MEF2B: variants seen among roughly 807,000 people sequenced by gnomAD.
MEF2B encodes the protein myocyte enhancer factor 2B, also known as myocyte-specific enhancer factor 2B.
In MEF2B, 15 loss-of-function variants were observed where a neutral mutation model predicts 32.2. That is an observed-to-expected ratio of 0.47 (90% CI 0.31 to 0.72). MEF2B has a LOEUF of 0.72. MEF2B is among the 30% of genes least tolerant of loss of function. The pLI is 0.05. For missense variants in MEF2B, 441 were observed against 511.5 expected (o/e 0.86, Z 1.33); for synonymous variants, 205 against 225.6 (o/e 0.91, Z 0.82).
chr19:19,160,008 G>A (rs934845636), intron 1 of MEF2B, among the ~76,000 whole-genome samples: 1 of 140,106 alleles, frequency 7.1e-6, no homozygotes, highest in Non-Finnish European at 1.5e-5. Flanking sequence ...TCGCTCTGTT[G>A]CCCAGGCTGG....
rs2060021500 is a variant in MEF2B at position 19,145,952 on chromosome 19, T to C, written c.952A>G (p.Ile318Val). The change falls in exon 9 of 9, where the codon ATC becomes GTC. Residue 318 changes from isoleucine (I) to valine (V), a missense_variant. Physicochemically the swap from Ile to Val is conservative, Grantham distance 29 (BLOSUM62 3). Coordinates refer to ENST00000424583, the MANE Select transcript of MEF2B (RefSeq NM_001145785.2). The surrounding 1 kb of genome is among the most constrained non-coding windows in gnomAD (Gnocchi z 4.6). ...GCCGGAGAGAGGCGCTCAGACTTGA[T>C]GCTGACTGGGGGGGTCGGCGGGGAG... ...GASPPTPPVS[I>V]KSERLSPAPG... 1 of 1,440,126 alleles carries C rather than the reference T, an allele frequency of 6.9e-7. No homozygotes were observed. The highest frequency in any genetic ancestry group is 9.1e-7 in the Non-Finnish European group (1 of 1,098,624). The allele number at this position is 1,440,126 out of a possible 1,614,324, so 89.2% of individuals were successfully genotyped here. A position where few individuals can be genotyped will look rare whatever the true frequency, so the allele number is the denominator to read the frequency against.
chr19:19,162,360 C>T (rs1367143810), intron 1 of MEF2B, among the ~76,000 whole-genome samples: 7 of 151,814 alleles, frequency 4.6e-5, no homozygotes, highest in East Asian at 3.9e-4. Flanking sequence ...CTTGAACTTC[C>T]GGCCTCAAGT....
intron 1 of MEF2B, among the ~76,000 whole-genome samples, chr19:19,164,182 G>A (rs2060188800): frequency 6.6e-6 from 1 of 152,006 alleles, no homozygotes; most frequent in African/African-American, 2.4e-5. Flanking sequence ...GGTCAGAATG[G>A]TCTCGAACTC....
chr19:19,160,292 C>A (rs554427482), intron 1 of MEF2B, among the ~76,000 whole-genome samples: 1 of 151,966 alleles, frequency 6.6e-6, no homozygotes, highest in Non-Finnish European at 1.5e-5. Flanking sequence ...TTTCTTCTGG[C>A]TTCTGGGAAA....
At position 19,145,744 on chromosome 19, in the gene MEF2B, G is replaced by A. The variant is rs1333589482; in HGVS notation, c.*53C>T. 1 of 1,558,436 alleles carries A rather than the reference G, an allele frequency of 6.4e-7. No individual in the cohort carries two copies. The highest frequency in any genetic ancestry group is 8.7e-7 in the Non-Finnish European group (1 of 1,151,516). On this transcript the variant is annotated 3_prime_UTR_variant, in exon 9 of 9. Transcript: ENST00000424583. The surrounding 1 kb of genome is among the most constrained non-coding windows in gnomAD (Gnocchi z 4.6). The stretch of plus-strand genomic sequence containing the variant: ...GCCTGGAGGGAGGTGGGGTCCCCAC[G>A]TGCCCTCGCCGTACCTGGCGAGCGC...
At chr19:19,147,211 G>GCAACTGTTTGCCTGTT in intron 4 of MEF2B, 28 bp from the exon 5 acceptor site, 2 of 1,364,652 alleles carry the variant, frequency 1.5e-6, no homozygotes, top group Non-Finnish European at 2.0e-6. Context: ...ATGGGTCAGA[G>GCAACTGTTTGCCTGTT]GACCCCAGGC....
At chr19:19,163,410 A>G (rs2060182051) in intron 1 of MEF2B, among the ~76,000 whole-genome samples, 1 of 152,136 alleles carries the variant, frequency 6.6e-6, no homozygotes, top group Non-Finnish European at 1.5e-5. Flanking sequence ...TCGGTCTTCC[A>G]TAGTGCTGGG....
intron 1 of MEF2B, among the ~76,000 whole-genome samples, chr19:19,168,205 T>TC (rs1192846373): frequency 2.0e-5 from 3 of 152,082 alleles, no homozygotes; most frequent in Non-Finnish European, 2.9e-5. Context: ...GCCCTGCCCT[T>TC]CCCCAGGGAT....
intron 3 of MEF2B, among the ~76,000 whole-genome samples, chr19:19,148,138 C>T (rs2060042974): frequency 6.6e-6 from 1 of 152,274 alleles, no homozygotes; most frequent in South Asian, 2.1e-4. Context: ...TCCATTCTGC[C>T]CCCACTTGCA....
At chr19:19,154,903 C>T (rs1323474667) in intron 1 of MEF2B, among the ~76,000 whole-genome samples, 1 of 152,204 alleles carries the variant, frequency 6.6e-6, no homozygotes, top group Non-Finnish European at 1.5e-5. Flanking sequence ...GTAGGGCCCC[C>T]TCTGTGCTAG....
At chr19:19,163,379 G>A (rs1167722194) in intron 1 of MEF2B, among the ~76,000 whole-genome samples, 6 of 151,934 alleles carry the variant, frequency 3.9e-5, no homozygotes, top group Admixed American at 3.9e-4. Context: ...CAAACTCCTG[G>A]TCTCAAGTGA....
chr19:19,157,250 A>G (rs1403822669), intron 1 of MEF2B: 1 of 157,012 alleles, frequency 6.4e-6, no homozygotes, highest in Non-Finnish European at 1.5e-5. Context: ...TCGATGTTCA[A>G]TATTCACGCA....
rs115016922 is a variant in MEF2B at position 19,146,672 on chromosome 19, G to A, written c.676-24C>T. The stretch of plus-strand genomic sequence containing the variant: ...CTCTGTGCGGAGAGAGGGTGAAGGG[G>A]AAACTGAGGCCCACACCCAGGTCGC... On this transcript the variant is annotated intron_variant, in intron 6 of 8. Transcript: ENST00000424583. The A allele has an allele frequency of 2.0e-3, 3,183 of 1,613,442 alleles. 58 individuals carry two copies. In the African/African-American group the frequency reaches 0.038, roughly 19 times the overall value.
Position 19,147,037 on chromosome 19 carries a change from TGGG to T in MEF2B, c.537_539del (p.Pro180del). 2 of 1,599,798 alleles carry T rather than the reference TGGG, an allele frequency of 1.3e-6. No individual in the cohort carries two copies. Among genetic ancestry groups the T allele is most frequent in the African/African-American group, 2.7e-5 (2 of 74,526 alleles). ...CCTGCCCCACTGTCCCATGCTCACC[TGGG>T]GGCCCGGCTTTGGGGGCTGCTGGTC... On this transcript the variant is annotated inframe_deletion and splice_region_variant, in exon 5 of 9. Transcript: ENST00000424583.
chr19:19,160,403 C>T (rs1301448566), intron 1 of MEF2B, among the ~76,000 whole-genome samples: 5 of 152,068 alleles, frequency 3.3e-5, no homozygotes, highest in Non-Finnish European at 7.3e-5. Context: ...CCTGCTTCCT[C>T]CCCCATAAAA....
Position 19,145,775 on chromosome 19 carries a change from G to T in MEF2B, c.*22C>A. 2 of 1,552,560 alleles carry T rather than the reference G, an allele frequency of 1.3e-6. No homozygotes were observed. Among genetic ancestry groups the T allele is most frequent in the Non-Finnish European group, 1.7e-6 (2 of 1,148,004 alleles). On this transcript the variant is annotated 3_prime_UTR_variant, in exon 9 of 9. Transcript: ENST00000424583. The surrounding 1 kb of genome is among the most constrained non-coding windows in gnomAD (Gnocchi z 4.6). ...TCGCCGTACCTGGCGAGCGCTCTGGGCTGGTGCCACCGGGTGATCTCCTAC... is the reference window on the plus strand; with the variant it reads ...TCGCCGTACCTGGCGAGCGCTCTGGTCTGGTGCCACCGGGTGATCTCCTAC...
At chr19:19,149,108 A>T (rs999942518) in intron 3 of MEF2B, 118 bp downstream of exon 3, 10 of 1,313,926 alleles carry the variant, frequency 7.6e-6, no homozygotes, top group Non-Finnish European at 1.0e-5. Context: ...GAAATAAAGC[A>T]CGTCAGCCAC....
intron 3 of MEF2B, 43 bp downstream of exon 3, chr19:19,149,183 G>A (rs926811688): frequency 5.0e-6 from 8 of 1,606,616 alleles, no homozygotes; most frequent in African/African-American, 1.3e-5. Flanking sequence ...AGAAAGCAGC[G>A]TGCACGGGGC....
Position 19,147,215 on chromosome 19 carries a change from C to CTGTTTGCCTGTTGAA in MEF2B, c.394-33_394-32insTTCAACAGGCAAACA. On this transcript the variant is annotated intron_variant, in intron 4 of 8. Coordinates refer to ENST00000424583, the MANE Select transcript of MEF2B (RefSeq NM_001145785.2). ...GTAGAGAAGGGATGGGTCAGAGGAC[C>CTGTTTGCCTGTTGAA]CCAGGCCAGATGGGGGTGCCAAGTC... The CTGTTTGCCTGTTGAA allele has an allele frequency of 1.5e-5, 20 of 1,357,722 alleles. 10 individuals carry two copies. Among genetic ancestry groups the CTGTTTGCCTGTTGAA allele is most frequent in the Admixed American group, 5.7e-5 (2 of 35,262 alleles). 84.1% of individuals were successfully genotyped at this position (1,357,722 alleles called of 1,614,324 possible).
Sources: allele counts gnomAD v4.1 joint callset (sites outside exome capture counted in the v4.1 genomes callset), GRCh38; gene constraint gnomAD v4.1.1; non-coding constraint Gnocchi (gnomAD v3.1); transcripts MANE v1.5; gene names NCBI Gene and HGNC (gene_info 2026-07-23, HGNC 2026-07-21).